The following NPIPB2 variants were observed in gnomAD, a reference collection of about 807,000 sequenced individuals.
The protein encoded by NPIPB2 is nuclear pore complex-interacting protein family member B2.
Under a neutral mutation model 30.8 loss-of-function variants are expected in NPIPB2, and 27 were observed. The ratio of observed to expected loss-of-function variants is 0.88; its 90% confidence interval spans 0.65 to 1.21. NPIPB2 has a LOEUF of 1.21. NPIPB2 is among the 50% of genes most tolerant of loss of function. The probability of loss-of-function intolerance (pLI) is 0.00; values close to 1 mark genes in which losing one functional copy is unlikely to be tolerated. For synonymous variants in NPIPB2, 147 were observed against 162.0 expected (o/e 0.91, Z 0.70); for missense variants, 440 against 446.2 (o/e 0.99, Z 0.13).
intron 1 of NPIPB2, chr16:11,967,520 C>G: frequency 6.4e-7 from 1 of 1,571,812 alleles, no homozygotes; most frequent in Non-Finnish European, 8.7e-7. Context: ...ACTCTCATGA[C>G]CACATTCTCT....
intron 1 of NPIPB2, chr16:11,965,266 A>C: frequency 6.2e-7 from 1 of 1,606,450 alleles, no homozygotes; most frequent in Non-Finnish European, 8.5e-7. Context: ...TCTTGTAGAG[A>C]TATTACTTGT....
intron 1 of NPIPB2, among the ~76,000 whole-genome samples, chr16:11,972,189 G>C (rs554029133): frequency 6.6e-6 from 1 of 152,214 alleles, no homozygotes; most frequent in South Asian, 2.1e-4. Flanking sequence ...TCTGTGTTAA[G>C]ATAAGGGATT....
chr16:11,949,579 A>G (rs1022723705), intron 1 of NPIPB2, among the ~76,000 whole-genome samples: 1 of 152,224 alleles, frequency 6.6e-6, no homozygotes, highest in Non-Finnish European at 1.5e-5. Flanking sequence ...CTGAGAAAAT[A>G]TACAGCAGCC....
chr16:11,939,532 C>T (rs1326071616), intron 1 of NPIPB2, among the ~76,000 whole-genome samples: 8 of 104,918 alleles, frequency 7.6e-5, no homozygotes, highest in African/African-American at 2.4e-4. Flanking sequence ...TGCACTTCAG[C>T]CTGGGTGACA....
chr16:11,947,096 A>C (rs963814380), intron 1 of NPIPB2, among the ~76,000 whole-genome samples: 2 of 146,814 alleles, frequency 1.4e-5, no homozygotes, highest in Admixed American at 1.4e-4. Context: ...ATATAAAATA[A>C]AATTCAATTA....
intron 1 of NPIPB2, chr16:11,956,227 T>C (rs2055111457): frequency 6.6e-6 from 1 of 152,232 alleles, no homozygotes; most frequent in African/African-American, 2.4e-5. Flanking sequence ...GGAAACTGAA[T>C]TGCTCAAGCC....
At chr16:11,974,448 C>T (rs143447136) in intron 1 of NPIPB2, among the ~76,000 whole-genome samples, 1,760 of 151,906 alleles carry the variant, frequency 0.012, 41 homozygotes, top group African/African-American at 0.041. Flanking sequence ...ACCCGGGAAG[C>T]GGAGGTTGTA....
At chr16:11,936,298 G>A (rs182535480) in intron 2 of NPIPB2, among the ~76,000 whole-genome samples, 48 of 151,818 alleles carry the variant, frequency 3.2e-4, no homozygotes, top group African/African-American at 1.0e-3. Context: ...AGGGAGACTC[G>A]TCTTGAGGGT....
chr16:11,945,485 C>T (rs2054997109), upstream of NPIPB2, among the ~76,000 whole-genome samples: 1 of 151,870 alleles, frequency 6.6e-6, no homozygotes. Flanking sequence ...ACCAGGCTGA[C>T]CACGAAGGTA....
downstream of NPIPB2, chr16:11,927,355 C>G: frequency 2.4e-6 from 2 of 845,764 alleles, no homozygotes; most frequent in Non-Finnish European, 3.9e-6. Flanking sequence ...TTGTTCTACT[C>G]AGTTTTATTC....
chr16:11,941,150 G>A (rs1246348010), intron 1 of NPIPB2: 6 of 1,496,438 alleles, frequency 4.0e-6, no homozygotes, highest in East Asian at 5.5e-5. Context: ...GAAACCCCGC[G>A]GGTCCAGCGT....
chr16:11,930,470 C>G, exon 5 of NPIPB2: 3 of 1,575,242 alleles, frequency 1.9e-6, no homozygotes, highest in Non-Finnish European at 2.6e-6. Context: ...GTATTTCTTT[C>G]ATATCCAATT....
intron 1 of NPIPB2, among the ~76,000 whole-genome samples, chr16:11,950,333 G>C (rs1244824549): frequency 2.0e-5 from 3 of 152,110 alleles, no homozygotes; most frequent in Non-Finnish European, 4.4e-5. Context: ...ACCACGCCTA[G>C]CCTAATTAAT....
intron 4 of NPIPB2, among the ~76,000 whole-genome samples, chr16:11,932,400 G>A (rs1053338622): frequency 6.7e-6 from 1 of 150,014 alleles, no homozygotes; most frequent in Admixed American, 6.7e-5. Flanking sequence ...GGCTCACACT[G>A]GGAGGCTGAG....
At chr16:11,946,022 C>CAAA (rs200825715), upstream of NPIPB2, among the ~76,000 whole-genome samples, 1 of 70,174 alleles carries the variant, frequency 1.4e-5, no homozygotes, top group Non-Finnish European at 2.9e-5. Flanking sequence ...GTGGCTTCTA[C>CAAA]AAAAAAAAAA....
At chr16:11,958,764 C>A (rs2055133766) in intron 1 of NPIPB2, among the ~76,000 whole-genome samples, 1 of 151,834 alleles carries the variant, frequency 6.6e-6, no homozygotes, top group African/African-American at 2.4e-5. Context: ...AATAAGAAAG[C>A]CTGTAGGTTG....
At chr16:11,960,729 A>C (rs2055147227) in intron 1 of NPIPB2, among the ~76,000 whole-genome samples, 1 of 152,036 alleles carries the variant, frequency 6.6e-6, no homozygotes, top group African/African-American at 2.4e-5. Flanking sequence ...GGCTTGCATC[A>C]GGGACACACT....
At chr16:11,967,183 G>C (rs889019611) in intron 1 of NPIPB2, 1 of 194,522 alleles carries the variant, frequency 5.1e-6, no homozygotes, top group Non-Finnish European at 1.1e-5. Context: ...GTACTTTTTG[G>C]TAGAGACAGG....
exon 8 of NPIPB2, chr16:11,927,406 A>T (rs772798415): frequency 9.9e-7 from 1 of 1,006,252 alleles, no homozygotes; most frequent in Non-Finnish European, 1.5e-6. Context: ...TTCTCAGCTT[A>T]CTCAACCTCC....
Sources: allele counts gnomAD v4.1 joint callset (sites outside exome capture counted in the v4.1 genomes callset), GRCh38; gene constraint gnomAD v4.1.1; transcripts MANE v1.5; gene names NCBI Gene and HGNC (gene_info 2026-07-23, HGNC 2026-07-21).